Variants in SAMM50 observed in about 807,000 individuals in gnomAD.
The protein encoded by SAMM50 is SAMM50 sorting and assembly machinery component, also known as sorting and assembly machinery component 50 homolog.
A neutral mutation model predicts 66.9 loss-of-function variants in SAMM50; 47 were observed. The observed-to-expected ratio is 0.70, with a 90% CI of 0.56 to 0.90. The LOEUF (loss-of-function observed/expected upper bound fraction) is 0.90. Among genes scored for constraint, SAMM50 ranks in the 40% least tolerant of loss-of-function variants. The pLI is 0.00. For missense variants in SAMM50, 535 were observed against 595.3 expected (o/e 0.90, Z 1.05); for synonymous variants, 191 against 214.1 (o/e 0.89, Z 0.94).
At position 43,965,495 on chromosome 22, in the gene SAMM50, A is replaced by G. The variant is rs971337329; in HGVS notation, c.234+942A>G. On this transcript the variant is annotated intron_variant, in intron 3 of 14. Coordinates refer to ENST00000350028, the MANE Select transcript of SAMM50 (RefSeq NM_015380.5). ...AATGCTGAGATTACAGCCATGAGCC[A>G]CCGTGCCTGCCCAAATTTGTATTTT... Among the ~76,000 whole-genome samples, 5 of 152,168 alleles carry G rather than the reference A, an allele frequency of 3.3e-5. No homozygotes were observed. The East Asian group carries it at 9.7e-4, about 29-fold the overall frequency.
Position 43,996,466 on chromosome 22 carries a change from T to C in SAMM50, c.*83T>C, listed in dbSNP as rs2146832918. On this transcript the variant is annotated 3_prime_UTR_variant, in exon 15 of 15. Transcript: ENST00000350028. ...CACACCGTCTCTCGAGGAAACGCGG[T>C]TCAGCGATTCTTTGACTGCGGACCC... The C allele has an allele frequency of 7.6e-7, 1 of 1,315,316 alleles. No homozygotes were observed. The highest frequency in any genetic ancestry group is 1.1e-6 in the Non-Finnish European group (1 of 908,148). The allele number at this position is 1,315,316 out of a possible 1,614,324, so 81.5% of individuals were successfully genotyped here. A position where few individuals can be genotyped will look rare whatever the true frequency, so the allele number is the denominator to read the frequency against.
intron 14 of SAMM50, among the ~76,000 whole-genome samples, chr22:43,994,563 C>T (rs990179453): frequency 6.6e-6 from 1 of 152,162 alleles, no homozygotes; most frequent in African/African-American, 2.4e-5. Context: ...AGTCCAAGTT[C>T]GTCAGAAGCC....
At chr22:43,984,287 T>A (rs1447835172) in intron 12 of SAMM50, among the ~76,000 whole-genome samples, 1 of 139,920 alleles carries the variant, frequency 7.1e-6, no homozygotes, top group Non-Finnish European at 1.5e-5. Flanking sequence ...AGGTTTGACA[T>A]GTGCTTCCTA....
chr22:43,992,632 C>G (rs983489170), intron 14 of SAMM50, among the ~76,000 whole-genome samples: 21 of 152,370 alleles, frequency 1.4e-4, no homozygotes, highest in Admixed American at 1.2e-3. Flanking sequence ...CAAAACCTCT[C>G]TGGGTGTCCA....
At chr22:43,974,491 TG>T (rs2050221190) in intron 7 of SAMM50, 1 of 152,320 alleles carries the variant, frequency 6.6e-6, no homozygotes, top group Non-Finnish European at 1.5e-5. Context: ...CCCAGGCCTC[TG>T]GTCCTTGCAG....
chr22:43,993,920 G>C (rs1289561197), intron 14 of SAMM50, among the ~76,000 whole-genome samples: 1 of 152,200 alleles, frequency 6.6e-6, no homozygotes, highest in Non-Finnish European at 1.5e-5. Context: ...TGTCGCAAGT[G>C]ATTTGTGGCA....
intron 12 of SAMM50, among the ~76,000 whole-genome samples, chr22:43,985,721 G>A (rs1442806999): frequency 6.6e-6 from 1 of 151,988 alleles, no homozygotes; most frequent in Non-Finnish European, 1.5e-5. Flanking sequence ...TGCTGAGTCA[G>A]TGCCGGGGAG....
In SAMM50 at chr22:43,989,183, G is replaced by A. The variant is rs1481172154; in HGVS notation, c.1148G>A (p.Gly383Asp). 3 of 1,614,170 alleles carry A rather than the reference G, an allele frequency of 1.9e-6. No homozygotes were observed. The highest frequency in any genetic ancestry group is 2.5e-6 in the Non-Finnish European group (3 of 1,180,026). The change falls in exon 13 of 15, where the codon GGC becomes GAC. Residue 383 changes from glycine to aspartate, a missense_variant. Transcript: ENST00000350028. ...TACACCCCATTACCTTTCCGGCCAG[G>A]CCAGGGTGGCTTTGGAGAACTTTTC... ...HLYTPLPFRP[G>D]QGGFGELFRT...
intron 10 of SAMM50, among the ~76,000 whole-genome samples, chr22:43,979,109 G>A (rs1039683247): frequency 1.5e-4 from 23 of 152,104 alleles, no homozygotes; most frequent in African/African-American, 2.9e-4. Context: ...TCATTGCTGC[G>A]CTCTTCCACT....
Position 43,983,624 on chromosome 22 carries a change from T to C in SAMM50, c.1008-309T>C, listed in dbSNP as rs2050275679. Reference sequence around the variant, plus strand: ...TGAAAAGGAACTGCGTCATGAATTCTCACAGACAGCTGATAGTTCCTTTGT... The same window carrying C: ...TGAAAAGGAACTGCGTCATGAATTCCCACAGACAGCTGATAGTTCCTTTGT... On this transcript the variant is annotated intron_variant, in intron 11 of 14. Coordinates refer to ENST00000350028, the MANE Select transcript of SAMM50 (RefSeq NM_015380.5). This position sits in a 1 kb window ranked among gnomAD's most constrained non-coding sequence, Gnocchi z 4.2. Among the ~76,000 whole-genome samples the C allele has an allele frequency of 6.6e-6, 1 of 152,216 alleles. No homozygotes were observed. Among genetic ancestry groups the C allele is most frequent in the Middle Eastern group, 3.2e-3 (1 of 316 alleles).
intron 10 of SAMM50, among the ~76,000 whole-genome samples, chr22:43,981,166 G>A (rs571278336): frequency 6.6e-6 from 1 of 152,368 alleles, no homozygotes; most frequent in East Asian, 1.9e-4. Flanking sequence ...CCTTCGGTGT[G>A]TCTTGATTTG....
intron 10 of SAMM50, among the ~76,000 whole-genome samples, chr22:43,978,378 T>C (rs1047006614): frequency 1.2e-4 from 15 of 128,518 alleles, no homozygotes; most frequent in African/African-American, 4.6e-4. Context: ...GAGCTTGCAG[T>C]GAGCCAAGAT....
intron 10 of SAMM50, among the ~76,000 whole-genome samples, chr22:43,979,868 G>C (rs1002580844): frequency 6.6e-6 from 1 of 150,790 alleles, no homozygotes; most frequent in African/African-American, 2.4e-5. Flanking sequence ...TATTCACTCT[G>C]TCTGCCGCTG....
At chr22:43,968,933 C>T (rs188471081) in intron 4 of SAMM50, 115 bp downstream of exon 4, 10 of 681,762 alleles carry the variant, frequency 1.5e-5, no homozygotes, top group African/African-American at 3.6e-5. Flanking sequence ...CTGTGTAGAA[C>T]CTGAAAGTTG....
In SAMM50 at chr22:43,996,492, T is replaced by G. The variant is rs893533973; in HGVS notation, c.*109T>G. 2 of 1,023,288 alleles carry G rather than the reference T, an allele frequency of 2.0e-6. No individual in the cohort carries two copies. Among genetic ancestry groups the G allele is most frequent in the Non-Finnish European group, 1.6e-6 (1 of 645,044 alleles). 63.4% of individuals were successfully genotyped at this position (1,023,288 alleles called of 1,614,324 possible). On this transcript the variant is annotated 3_prime_UTR_variant, in exon 15 of 15. Transcript: ENST00000350028. ...TCAGCGATTCTTTGACTGCGGACCC[T>G]GTGGGAAACCCCGTCAATAAATGTT...
chr22:43,969,883 G>T (rs1203856179), intron 4 of SAMM50, among the ~76,000 whole-genome samples: 1 of 152,134 alleles, frequency 6.6e-6, no homozygotes. Context: ...AACATGGCGC[G>T]GTAGAGTTCC....
At chr22:43,976,715 T>TA in intron 8 of SAMM50, 35 bp from the exon 9 acceptor site, 1 of 1,531,634 alleles carries the variant, frequency 6.5e-7, no homozygotes, top group East Asian at 2.3e-5. Flanking sequence ...TAGAACTTCT[T>TA]AAAGTGAAAA....
intron 1 of SAMM50, among the ~76,000 whole-genome samples, chr22:43,958,069 G>T (rs1984429682): frequency 6.6e-6 from 1 of 152,184 alleles, no homozygotes; most frequent in South Asian, 2.1e-4. Flanking sequence ...CAGAATTCTT[G>T]TTAGCCCTGT....
At position 43,972,875 on chromosome 22, in the gene SAMM50, T is replaced by C; in HGVS notation, c.434T>C (p.Leu145Pro). The change falls in exon 6 of 15, where the codon CTT (leucine) becomes CCT (proline). Residue 145 changes from leucine (L) to proline (P), a missense_variant. Coordinates refer to ENST00000350028, the MANE Select transcript of SAMM50 (RefSeq NM_015380.5). ...TTTTTTTTTTTCCCCTCCTAGGTAC[T>C]TGGCCTCAAGCTTCCTAATCTTCTT... Reference protein sequence around the residue: ...MVGNNEGSMVLGLKLPNLLGR... With the variant: ...MVGNNEGSMVPGLKLPNLLGR... 1 of 1,592,698 alleles carries C rather than the reference T, an allele frequency of 6.3e-7. No individual in the cohort carries two copies. Among genetic ancestry groups the C allele is most frequent in the Non-Finnish European group, 8.5e-7 (1 of 1,174,936 alleles).
Sources: allele counts gnomAD v4.1 joint callset (sites outside exome capture counted in the v4.1 genomes callset), GRCh38; gene constraint gnomAD v4.1.1; non-coding constraint Gnocchi (gnomAD v3.1); transcripts MANE v1.5; gene names NCBI Gene and HGNC (gene_info 2026-07-23, HGNC 2026-07-21).